MRPS27: variants seen among roughly 807,000 people sequenced by gnomAD.
MRPS27 encodes small ribosomal subunit protein mS27.
Under a neutral mutation model 48.9 loss-of-function variants are expected in MRPS27, and 43 were observed. The ratio of observed to expected loss-of-function variants is 0.88; its 90% CI spans 0.69 to 1.13. The LOEUF (loss-of-function observed/expected upper bound fraction) is 1.13. Among genes scored for constraint, MRPS27 ranks in the 50% most tolerant of loss-of-function variants. The probability of loss-of-function intolerance (pLI) is 0.00; values close to 1 mark genes in which losing one functional copy is unlikely to be tolerated. For missense variants in MRPS27, 467 were observed against 476.3 expected (o/e 0.98, Z 0.18); for synonymous variants, 188 against 171.9 (o/e 1.09, Z -0.73).
At chr5:72,277,650 C>T (rs1749413808) in intron 4 of MRPS27, among the ~76,000 whole-genome samples, 2 of 151,998 alleles carry the variant, frequency 1.3e-5, no homozygotes, top group South Asian at 4.2e-4. Flanking sequence ...TTATGTTCAT[C>T]GCAGCACCAT....
intron 2 of MRPS27, among the ~76,000 whole-genome samples, chr5:72,309,402 A>ATTAC (rs1230912594): frequency 1.3e-5 from 2 of 151,812 alleles, no homozygotes; most frequent in African/African-American, 4.8e-5. Context: ...TGTAGCTGGG[A>ATTAC]TTACAGGTGT....
At chr5:72,246,212 T>C (rs1300025558) in intron 4 of MRPS27, among the ~76,000 whole-genome samples, 2 of 152,206 alleles carry the variant, frequency 1.3e-5, no homozygotes, top group African/African-American at 4.8e-5. Context: ...ATTATTTATA[T>C]TTGAAACAGT....
chr5:72,278,917 C>T (rs988496928), intron 4 of MRPS27, among the ~76,000 whole-genome samples: 1 of 152,146 alleles, frequency 6.6e-6, no homozygotes, highest in Non-Finnish European at 1.5e-5. Flanking sequence ...TAAGTTGCTT[C>T]CAGTTTTTCA....
intron 4 of MRPS27, among the ~76,000 whole-genome samples, chr5:72,277,593 AC>A (rs1159335088): frequency 6.6e-6 from 1 of 151,478 alleles, no homozygotes; most frequent in Non-Finnish European, 1.5e-5. Flanking sequence ...ACAGAGTGAG[AC>A]TCCGTCTCAA....
intron 4 of MRPS27, among the ~76,000 whole-genome samples, chr5:72,272,253 T>C (rs1472754108): frequency 6.6e-6 from 1 of 152,226 alleles, no homozygotes; most frequent in African/African-American, 2.4e-5. Flanking sequence ...CTGATACTGT[T>C]ATCCTTAGAA....
intron 1 of MRPS27, among the ~76,000 whole-genome samples, chr5:72,315,330 G>C (rs1225760750): frequency 6.6e-6 from 1 of 152,112 alleles, no homozygotes; most frequent in African/African-American, 2.4e-5. Flanking sequence ...ACTGAGGTGG[G>C]TGGATCACTT....
chr5:72,262,296 G>A (rs565993314), intron 4 of MRPS27, among the ~76,000 whole-genome samples: 4 of 152,222 alleles, frequency 2.6e-5, no homozygotes, highest in South Asian at 2.1e-4. Context: ...TGATCATGTG[G>A]TTAGCAGTCA....
At chr5:72,235,798 C>A (rs1289428527) in intron 5 of MRPS27, among the ~76,000 whole-genome samples, 1 of 152,146 alleles carries the variant, frequency 6.6e-6, no homozygotes, top group African/African-American at 2.4e-5. Context: ...TGCTTCTGAG[C>A]CCAGAGAAGG....
chr5:72,229,814 G>A (rs1748005218), intron 7 of MRPS27, among the ~76,000 whole-genome samples: 1 of 152,164 alleles, frequency 6.6e-6, no homozygotes, highest in South Asian at 2.1e-4. Flanking sequence ...TGGAACTACT[G>A]CTGCTTATAT....
In MRPS27 at chr5:72,220,997, A is replaced by G; in HGVS notation, c.1157T>C (p.Leu386Pro). 1 of 1,614,162 alleles carries G rather than the reference A, an allele frequency of 6.2e-7. No homozygotes were observed. Among genetic ancestry groups the G allele is most frequent in the Non-Finnish European group, 8.5e-7 (1 of 1,180,016 alleles). The stretch of plus-strand genomic sequence containing the variant: ...CTGTTCTCTCTGGATCAACTGTACA[A>G]GGTCTAGATGCCACTGCTGCAGATT... ...EQNLQQWHLD[L>P]VQLIQREQQQ... is the part of the protein sequence containing the mutation. The change falls in exon 11 of 11, where the codon CTT becomes CCT. Residue 386 changes from leucine (L) to proline (P), a missense_variant. Coordinates refer to ENST00000261413, the MANE Select transcript of MRPS27 (RefSeq NM_015084.3).
intron 4 of MRPS27, among the ~76,000 whole-genome samples, chr5:72,251,679 A>G (rs538105102): frequency 6.6e-6 from 1 of 152,318 alleles, no homozygotes; most frequent in African/African-American, 2.4e-5. Flanking sequence ...TATGGAGGAT[A>G]AACCGAACTA....
intron 2 of MRPS27, among the ~76,000 whole-genome samples, chr5:72,305,100 T>A (rs1474191801): frequency 6.6e-6 from 1 of 152,174 alleles, no homozygotes; most frequent in East Asian, 1.9e-4. Context: ...GACATAGATT[T>A]TTAGACTTCC....
At chr5:72,295,497 C>T in intron 4 of MRPS27, 34 bp downstream of exon 4, 1 of 1,525,672 alleles carries the variant, frequency 6.6e-7, no homozygotes, top group Non-Finnish European at 9.0e-7. Context: ...TGTGAAATCA[C>T]AGAGTACATA....
intron 4 of MRPS27, among the ~76,000 whole-genome samples, chr5:72,288,091 C>T (rs2112046153): frequency 6.6e-6 from 1 of 152,262 alleles, no homozygotes; most frequent in Non-Finnish European, 1.5e-5. Flanking sequence ...AGGTGGAATG[C>T]TTAAGCCAAA....
At chr5:72,238,234 CAG>C in intron 4 of MRPS27, 106 bp from the exon 5 acceptor site, 1 of 678,478 alleles carries the variant, frequency 1.5e-6, no homozygotes, top group African/African-American at 1.8e-5. Flanking sequence ...TGCAATGTGA[CAG>C]AAATTCATAA....
At chr5:72,249,990 A>T (rs1455986821) in intron 4 of MRPS27, among the ~76,000 whole-genome samples, 1 of 151,444 alleles carries the variant, frequency 6.6e-6, no homozygotes, top group Non-Finnish European at 1.5e-5. Flanking sequence ...TCTCAAAAAC[A>T]AAAAACAAAA....
intron 10 of MRPS27, among the ~76,000 whole-genome samples, chr5:72,222,238 T>C (rs1747763268): frequency 6.6e-6 from 1 of 152,232 alleles, no homozygotes; most frequent in Admixed American, 6.5e-5. Context: ...CATGTGGGGT[T>C]TGAGGCCAAC....
rs1380127419 is a variant in MRPS27 at position 72,220,960 on chromosome 5, C to T, written c.1194G>A (p.Glu398=). 6.2e-7 allele frequency: 1 copy of T among 1,614,190 alleles called. No individual in the cohort carries two copies. Among genetic ancestry groups the T allele is most frequent in the Non-Finnish European group, 8.5e-7 (1 of 1,180,016 alleles). The change falls in exon 11 of 11, where the codon GAG becomes GAA. Residue 398 remains glutamate, a synonymous_variant. Transcript: ENST00000261413. ...GAGCCTGGTACTCCTGCTTCGCTTG[C>T]TCCCTCTGTTGCTGTTCTCTCTGGA... The part of the protein sequence containing the change: ...QLIQREQQQR[E]QAKQEYQAQK...
chr5:72,286,552 T>A (rs1749678205), intron 4 of MRPS27, among the ~76,000 whole-genome samples: 1 of 151,380 alleles, frequency 6.6e-6, no homozygotes, highest in Non-Finnish European at 1.5e-5. Flanking sequence ...TTAGCTTTGA[T>A]CTTTACCTTA....
Sources: allele counts gnomAD v4.1 joint callset (sites outside exome capture counted in the v4.1 genomes callset), GRCh38; gene constraint gnomAD v4.1.1; transcripts MANE v1.5; gene names NCBI Gene and HGNC (gene_info 2026-07-23, HGNC 2026-07-21).